Variants in GSE1 observed in about 807,000 individuals in gnomAD.
The protein encoded by GSE1 is genetic suppressor element 1.
A neutral mutation model predicts 112.6 loss-of-function variants in GSE1; 32 were observed. That is an observed-to-expected ratio of 0.28 (90% CI 0.21 to 0.38). The LOEUF (loss-of-function observed/expected upper bound fraction) is 0.38, where lower values mean the gene tolerates loss of function less well. Ranked by LOEUF, GSE1 falls within the 10% of genes least tolerant of loss-of-function variation. The probability of loss-of-function intolerance (pLI) is 1.00; values close to 1 mark genes in which losing one functional copy is unlikely to be tolerated. For missense variants in GSE1, 2,348 were observed against 1,699.2 expected (o/e 1.38, Z -6.71); for synonymous variants, 1,115 against 735.6 (o/e 1.52, Z -8.35).
chr16:85,206,254 C>T (rs1486464328), intron 1 of GSE1, among the ~76,000 whole-genome samples: 4 of 151,520 alleles, frequency 2.6e-5, no homozygotes, highest in Admixed American at 2.6e-4. Context: ...GGCAAGGAGG[C>T]GGGCGTTGGG....
chr16:85,628,734 T>C (rs1241535502), intron 1 of GSE1, among the ~76,000 whole-genome samples: 2 of 152,164 alleles, frequency 1.3e-5, no homozygotes, highest in Non-Finnish European at 2.9e-5. Context: ...GCAGAAAAAT[T>C]AGAACATACA....
chr16:85,179,866 G>A (rs1340260386), intron 1 of GSE1, among the ~76,000 whole-genome samples: 1 of 152,242 alleles, frequency 6.6e-6, no homozygotes, highest in East Asian at 1.9e-4. Flanking sequence ...AACACTCACA[G>A]CAGCCTTGGG....
intron 1 of GSE1, among the ~76,000 whole-genome samples, chr16:85,586,875 C>T (rs2046723974): frequency 6.6e-6 from 1 of 152,246 alleles, no homozygotes; most frequent in African/African-American, 2.4e-5. Flanking sequence ...CAGTAGCTAA[C>T]TTTCTTATTT....
intron 1 of GSE1, among the ~76,000 whole-genome samples, chr16:85,188,685 C>A (rs2074759537): frequency 6.6e-6 from 1 of 151,862 alleles, no homozygotes; most frequent in Admixed American, 6.6e-5. Context: ...CCTATAGTTC[C>A]AGATACGGGG....
intron 2 of GSE1, among the ~76,000 whole-genome samples, chr16:85,456,334 T>A (rs1388111254): frequency 2.0e-5 from 3 of 152,126 alleles, no homozygotes; most frequent in African/African-American, 7.2e-5. Flanking sequence ...GGGGAGGCCC[T>A]GTGAGAGGAA....
At chr16:85,238,961 G>C (rs557158813) in intron 1 of GSE1, among the ~76,000 whole-genome samples, 1 of 151,954 alleles carries the variant, frequency 6.6e-6, no homozygotes, top group African/African-American at 2.4e-5. Context: ...ATGGAGCCTC[G>C]TTCTTGCTCA....
At chr16:85,508,030 C>T (rs899650116) in intron 2 of GSE1, among the ~76,000 whole-genome samples, 3 of 152,254 alleles carry the variant, frequency 2.0e-5, no homozygotes, top group African/African-American at 4.8e-5. Flanking sequence ...CTTCTAACTC[C>T]GTCACTTATT....
chr16:85,299,935 CAAAA>C (rs35622442), intron 1 of GSE1, among the ~76,000 whole-genome samples: 1 of 84,214 alleles, frequency 1.2e-5, no homozygotes, highest in Non-Finnish European at 2.7e-5. Context: ...GACCCTGTCT[CAAAA>C]AAAAAAAAAA....
chr16:85,312,718 G>C (rs1567681349), intron 1 of GSE1, among the ~76,000 whole-genome samples: 1 of 151,920 alleles, frequency 6.6e-6, no homozygotes, highest in Non-Finnish European at 1.5e-5. Context: ...AGGAGAAAGA[G>C]AAGGAGGAGA....
chr16:85,640,602 C>T (rs541650192), intron 2 of GSE1, among the ~76,000 whole-genome samples: 7 of 152,318 alleles, frequency 4.6e-5, no homozygotes, highest in East Asian at 1.9e-4. Context: ...ACTACGTGTG[C>T]GGGGACCACG....
chr16:85,390,422 C>T (rs527887907), intron 2 of GSE1, among the ~76,000 whole-genome samples: 19 of 152,154 alleles, frequency 1.2e-4, no homozygotes, highest in African/African-American at 2.9e-4. Context: ...TGTGCCTGGC[C>T]GGGGCAGCTA....
At chr16:85,252,263 C>T (rs900236215) in intron 1 of GSE1, among the ~76,000 whole-genome samples, 3 of 151,820 alleles carry the variant, frequency 2.0e-5, no homozygotes, top group East Asian at 1.9e-4. Flanking sequence ...TATCTCCATG[C>T]GATCACCCGG....
At chr16:85,403,561 G>A (rs767831820) in intron 2 of GSE1, among the ~76,000 whole-genome samples, 1 of 152,160 alleles carries the variant, frequency 6.6e-6, no homozygotes, top group African/African-American at 2.4e-5. Context: ...AGGCTGAGGT[G>A]GGAGGATCAC....
At chr16:85,303,532 G>A (rs1451887045) in intron 1 of GSE1, among the ~76,000 whole-genome samples, 2 of 152,230 alleles carry the variant, frequency 1.3e-5, no homozygotes, top group African/African-American at 4.8e-5. Context: ...CGCTGGACTC[G>A]CTCATTGGAC....
At chr16:85,176,830 G>A (rs1299324809) in intron 1 of GSE1, among the ~76,000 whole-genome samples, 2 of 152,224 alleles carry the variant, frequency 1.3e-5, no homozygotes, top group African/African-American at 2.4e-5. Context: ...ATCAGGCCAC[G>A]TGCACATCTG....
chr16:85,507,043 C>T (rs528703973), intron 2 of GSE1, among the ~76,000 whole-genome samples: 170 of 152,230 alleles, frequency 1.1e-3, no homozygotes, highest in African/African-American at 3.9e-3. Context: ...CTGGGGTAAC[C>T]GTGTGGGGTT....
intron 1 of GSE1, among the ~76,000 whole-genome samples, chr16:85,193,811 G>T (rs2074874633): frequency 6.6e-6 from 1 of 152,170 alleles, no homozygotes; most frequent in Non-Finnish European, 1.5e-5. Flanking sequence ...CTGCAGTTGT[G>T]AGAAATAATG....
intron 2 of GSE1, among the ~76,000 whole-genome samples, chr16:85,644,938 C>G (rs1266624355): frequency 2.0e-5 from 3 of 151,822 alleles, no homozygotes; most frequent in African/African-American, 7.3e-5. Flanking sequence ...TTCTCAAAAT[C>G]TAAATACATA....
intron 1 of GSE1, among the ~76,000 whole-genome samples, chr16:85,268,908 G>A (rs1272970792): frequency 7.9e-6 from 1 of 125,980 alleles, no homozygotes. Context: ...ACTTGAGGGG[G>A]GACCAGGGGG....
Sources: gnomAD v4.1 joint callset for allele counts (sites outside exome capture counted in the v4.1 genomes callset) on GRCh38, gnomAD v4.1.1 for gene constraint, MANE v1.5 for transcripts, NCBI Gene and HGNC (gene_info 2026-07-23, HGNC 2026-07-21) for gene names.